Variants in NXPE2 observed in about 807,000 individuals in gnomAD.
NXPE2 encodes NXPE family member 2.
Under a neutral mutation model 34.4 loss-of-function variants are expected in NXPE2, and 34 were observed. That is an observed-to-expected ratio of 0.99 (90% CI 0.75 to 1.31). The LOEUF (loss-of-function observed/expected upper bound fraction) is 1.31, where lower values mean the gene tolerates loss of function less well. NXPE2 is among the 40% of genes most tolerant of loss of function. The probability of loss-of-function intolerance (pLI) is 0.00; values close to 1 mark genes in which losing one functional copy is unlikely to be tolerated. For synonymous variants in NXPE2, 235 were observed against 231.3 expected (o/e 1.02, Z -0.15); for missense variants, 649 against 672.5 (o/e 0.97, Z 0.39).
the NXPE2 span, among the ~76,000 whole-genome samples, chr11:114,602,716 CAT>C: frequency 0.2 from 28,855 of 142,328 alleles, 3,399 homozygotes; most frequent in African/African-American, 0.33. Context: ...TACAGAATCA[CAT>C]ATAATTATCT....
the NXPE2 span, among the ~76,000 whole-genome samples, chr11:114,802,975 G>C: frequency 6.6e-6 from 1 of 152,112 alleles, no homozygotes; most frequent in Non-Finnish European, 1.5e-5. Flanking sequence ...TGTGTTTACA[G>C]AGAGGCCGTG....
chr11:114,779,116 C>T, the NXPE2 span, among the ~76,000 whole-genome samples: 1 of 152,218 alleles, frequency 6.6e-6, no homozygotes, highest in Non-Finnish European at 1.5e-5. Flanking sequence ...GCAATTTCCT[C>T]CCCCTAATTA....
chr11:114,630,142 G>A, the NXPE2 span, among the ~76,000 whole-genome samples: 1 of 151,674 alleles, frequency 6.6e-6, no homozygotes, highest in Admixed American at 6.6e-5. Context: ...AGCTACCAAT[G>A]ACTTTCTTCA....
At chr11:114,603,676 T>G in the NXPE2 span, among the ~76,000 whole-genome samples, 27 of 151,706 alleles carry the variant, frequency 1.8e-4, no homozygotes, top group East Asian at 5.3e-3. Context: ...GTCTCTTGGG[T>G]AACTCCTATT....
the NXPE2 span, among the ~76,000 whole-genome samples, chr11:114,648,135 A>G: frequency 5.3e-5 from 8 of 152,254 alleles, no homozygotes; most frequent in East Asian, 1.9e-4. Context: ...TGATAGGAGT[A>G]TCTTTGCCTA....
chr11:114,624,829 C>T, the NXPE2 span, among the ~76,000 whole-genome samples: 2 of 151,980 alleles, frequency 1.3e-5, no homozygotes, highest in African/African-American at 2.4e-5. Flanking sequence ...TTGTGGGTAA[C>T]CACTGTTACC....
chr11:114,695,834 C>CAT (rs1951240996), intron 2 of NXPE2, among the ~76,000 whole-genome samples: 1 of 126,536 alleles, frequency 7.9e-6, no homozygotes, highest in African/African-American at 3.6e-5. Flanking sequence ...CTACTAAACA[C>CAT]ACACACACAC....
the NXPE2 span, chr11:114,582,667 C>T: frequency 6.2e-7 from 1 of 1,614,186 alleles, no homozygotes; most frequent in Admixed American, 1.7e-5. Flanking sequence ...TTTCCTGAAG[C>T]ACCTGCCATC....
At chr11:114,492,933 T>C in the NXPE2 span, among the ~76,000 whole-genome samples, 1 of 152,150 alleles carries the variant, frequency 6.6e-6, no homozygotes, top group Non-Finnish European at 1.5e-5. Flanking sequence ...TGTATTGGAG[T>C]TTTTGTTCTC....
At chr11:114,622,893 A>C in the NXPE2 span, among the ~76,000 whole-genome samples, 4 of 151,464 alleles carry the variant, frequency 2.6e-5, no homozygotes, top group Non-Finnish European at 5.9e-5. Context: ...GTATTGCCTC[A>C]TAGGTAACCA....
chr11:114,468,824 G>A, the NXPE2 span, among the ~76,000 whole-genome samples: 1 of 152,280 alleles, frequency 6.6e-6, no homozygotes, highest in African/African-American at 2.4e-5. Flanking sequence ...GGAAATGGAG[G>A]CAGATAAGTA....
the NXPE2 span, among the ~76,000 whole-genome samples, chr11:114,475,847 C>T: frequency 0.61 from 92,565 of 152,026 alleles, 29,650 homozygotes; most frequent in African/African-American, 0.82. Context: ...GATTTATTAC[C>T]GGGAGAGAAG....
the NXPE2 span, chr11:114,571,591 A>G: frequency 2.0e-6 from 2 of 984,730 alleles, no homozygotes; most frequent in South Asian, 1.7e-5. Context: ...TGTCTAATTT[A>G]TTATAGGTTT....
chr11:114,651,734 G>C, the NXPE2 span, among the ~76,000 whole-genome samples: 4 of 152,158 alleles, frequency 2.6e-5, no homozygotes, highest in African/African-American at 9.7e-5. Flanking sequence ...GTTACACACA[G>C]AGCGCTGATT....
the NXPE2 span, among the ~76,000 whole-genome samples, chr11:114,718,572 C>T: frequency 6.6e-6 from 1 of 152,138 alleles, no homozygotes; most frequent in Non-Finnish European, 1.5e-5. Context: ...ATCTCTCATG[C>T]TCATCAAACT....
the NXPE2 span, among the ~76,000 whole-genome samples, chr11:114,536,272 T>G: frequency 6.6e-6 from 1 of 152,150 alleles, no homozygotes; most frequent in Middle Eastern, 3.4e-3. Flanking sequence ...CTCTGGGACA[T>G]ATTCAAAGCA....
chr11:114,588,877 G>C, the NXPE2 span, among the ~76,000 whole-genome samples: 1 of 152,116 alleles, frequency 6.6e-6, no homozygotes, highest in Non-Finnish European at 1.5e-5. Context: ...TACACAGGCA[G>C]CTCCCAATAT....
At chr11:114,529,609 T>G in the NXPE2 span, 1 of 153,158 alleles carries the variant, frequency 6.5e-6, no homozygotes, top group Non-Finnish European at 1.5e-5. Context: ...TAAGAAGGAC[T>G]CCTCCACCCT....
the NXPE2 span, among the ~76,000 whole-genome samples, chr11:114,759,063 CGCAA>C: frequency 9.9e-5 from 15 of 152,064 alleles, no homozygotes; most frequent in South Asian, 2.1e-4. Flanking sequence ...CACACACGTG[CGCAA>C]ACACACACGC....
Sources: gnomAD v4.1 joint callset for allele counts (sites outside exome capture counted in the v4.1 genomes callset) on GRCh38, gnomAD v4.1.1 for gene constraint, MANE v1.5 for transcripts, NCBI Gene and HGNC (gene_info 2026-07-23, HGNC 2026-07-21) for gene names.